Variants in RNF216 observed in about 807,000 individuals in gnomAD.
The protein encoded by RNF216 is ring finger protein 216.
RNF216 carries 72 observed loss-of-function variants against 110.8 expected under a neutral mutation model. That is an observed-to-expected ratio of 0.65 (90% CI 0.54 to 0.79). RNF216 has a LOEUF of 0.79. Ranked by LOEUF, RNF216 falls within the 30% of genes least tolerant of loss-of-function variation. The pLI is 0.00. For synonymous variants in RNF216, 495 were observed against 407.5 expected (o/e 1.21, Z -2.59); for missense variants, 1,342 against 1,141.2 (o/e 1.18, Z -2.54).
chr7:5,637,779 G>C (rs1427071020), intron 15 of RNF216, among the ~76,000 whole-genome samples: 2 of 152,214 alleles, frequency 1.3e-5, no homozygotes, highest in Admixed American at 1.3e-4. Context: ...AGACTCAAGA[G>C]ATCTGCCCGC....
intron 15 of RNF216, among the ~76,000 whole-genome samples, chr7:5,638,896 A>G (rs749055914): frequency 1.3e-5 from 2 of 152,044 alleles, no homozygotes; most frequent in Non-Finnish European, 2.9e-5. Flanking sequence ...TGACCTCCCA[A>G]AGCTTACAGA....
intron 1 of RNF216, among the ~76,000 whole-genome samples, chr7:5,773,707 G>T (rs540566052): frequency 6.6e-6 from 1 of 151,662 alleles, no homozygotes; most frequent in African/African-American, 2.4e-5. Flanking sequence ...TAGCTGGGAC[G>T]ACACATGCGT....
At chr7:5,731,365 T>TGCAGCCCCCGCCGGGGACCCACGTCAA (rs1249401113) in intron 5 of RNF216, among the ~76,000 whole-genome samples, 1 of 151,942 alleles carries the variant, frequency 6.6e-6, no homozygotes, top group African/African-American at 2.4e-5. Context: ...GTGGTTTATT[T>TGCAGCCCCCGCCGGGGACCCACGTCAA]AGCTAGCTGC....
At chr7:5,697,456 G>A (rs1057108589) in intron 13 of RNF216, among the ~76,000 whole-genome samples, 19 of 152,374 alleles carry the variant, frequency 1.2e-4, no homozygotes, top group African/African-American at 4.6e-4. Flanking sequence ...TAATGATCGT[G>A]TTTAGAGGAG....
chr7:5,746,643 C>T (rs966258611), intron 3 of RNF216, among the ~76,000 whole-genome samples: 1 of 152,116 alleles, frequency 6.6e-6, no homozygotes, highest in Non-Finnish European at 1.5e-5. Flanking sequence ...CATCCCGGTC[C>T]TGAGATATAC....
chr7:5,675,848 T>G (rs911107237), intron 13 of RNF216, among the ~76,000 whole-genome samples: 3 of 151,752 alleles, frequency 2.0e-5, no homozygotes, highest in Non-Finnish European at 4.4e-5. Context: ...TAGCTGGGAT[T>G]ACAGGCATGC....
chr7:5,754,159 T>TGC (rs1795490019), intron 2 of RNF216, among the ~76,000 whole-genome samples: 3 of 132,818 alleles, frequency 2.3e-5, no homozygotes, highest in African/African-American at 8.5e-5. Flanking sequence ...TGTGTGTGTG[T>TGC]GTGCGCATTT....
rs756948642 is a variant in RNF216, at chr7:5,755,371, G to C, written c.68-2392C>G. 3.9e-5 allele frequency among the ~76,000 whole-genome samples: 6 copies of C among 152,060 alleles called. No homozygotes were observed. The East Asian group carries it at 9.6e-4, about 24-fold the overall frequency. On this transcript the variant is annotated intron_variant, in intron 2 of 16. Transcript: ENST00000389902. ...TTCAAAGTATACTTAAAAAAAAATTGAAAGAATAACACAGCATGGTCTATA... is the reference window on the plus strand; with the variant it reads ...TTCAAAGTATACTTAAAAAAAAATTCAAAGAATAACACAGCATGGTCTATA...
chr7:5,689,391 A>G (rs1584456392), intron 13 of RNF216, among the ~76,000 whole-genome samples: 1 of 152,066 alleles, frequency 6.6e-6, no homozygotes, highest in Non-Finnish European at 1.5e-5. Context: ...AAAGAAGAAG[A>G]AAAGTGAAAG....
intron 8 of RNF216, among the ~76,000 whole-genome samples, 184 bp from the exon 9 acceptor site, chr7:5,721,356 A>AT (rs1464570078): frequency 6.6e-6 from 1 of 152,116 alleles, no homozygotes; most frequent in African/African-American, 2.4e-5. Context: ...CCTACCATCC[A>AT]TTTTTTGACC....
At chr7:5,674,784 T>C (rs989019338) in intron 13 of RNF216, among the ~76,000 whole-genome samples, 3 of 151,832 alleles carry the variant, frequency 2.0e-5, no homozygotes, top group Non-Finnish European at 4.4e-5. Context: ...TCACCTGAGA[T>C]CAGGAGTTCA....
chr7:5,716,186 C>G (rs1333187705), intron 10 of RNF216, among the ~76,000 whole-genome samples: 1 of 152,102 alleles, frequency 6.6e-6, no homozygotes, highest in Non-Finnish European at 1.5e-5. Context: ...GCCACGGTGC[C>G]CGGCCACCAA....
At chr7:5,764,149 C>T (rs573019147) in intron 1 of RNF216, among the ~76,000 whole-genome samples, 25 of 150,924 alleles carry the variant, frequency 1.7e-4, no homozygotes, top group African/African-American at 5.6e-4. Flanking sequence ...GCTGAGATCA[C>T]GCCATTGCAC....
At position 5,622,927 on chromosome 7, in the gene RNF216, G is replaced by C. The variant is rs1381680446; in HGVS notation, c.2705C>G (p.Pro902Arg). 1 of 1,613,806 alleles carries C rather than the reference G, an allele frequency of 6.2e-7. No homozygotes were observed. Among genetic ancestry groups the C allele is most frequent in the Admixed American group, 1.7e-5 (1 of 60,012 alleles). The change falls in exon 17 of 17, where the codon CCC becomes CGC. Residue 902 changes from proline to arginine, a missense_variant. Coordinates refer to ENST00000389902, the MANE Select transcript of RNF216 (RefSeq NM_207111.4). The part of the protein sequence containing the change: ...PNVRVNYDFG[P>R]IHMPLEHNLP... ...GTTGTGCTCCAGGGGCATGTGGATGGGACCGAAGTCATAGTTGACCCGCAC... is the reference window on the plus strand; with the variant it reads ...GTTGTGCTCCAGGGGCATGTGGATGCGACCGAAGTCATAGTTGACCCGCAC...
intron 1 of RNF216, among the ~76,000 whole-genome samples, chr7:5,764,594 G>C (rs1050817020): frequency 4.0e-5 from 6 of 151,616 alleles, no homozygotes; most frequent in African/African-American, 1.5e-4. Flanking sequence ...GTTGCAGTAG[G>C]CCAAGATTGT....
At chr7:5,681,530 AG>A (rs900810272) in intron 13 of RNF216, among the ~76,000 whole-genome samples, 45 of 152,196 alleles carry the variant, frequency 3.0e-4, no homozygotes, top group African/African-American at 1.1e-3. Context: ...CTCTAGGGCT[AG>A]GCAGGACCTG....
chr7:5,663,562 C>A (rs368124283), intron 13 of RNF216, among the ~76,000 whole-genome samples: 1 of 125,482 alleles, frequency 8.0e-6, no homozygotes, highest in Admixed American at 9.8e-5. Flanking sequence ...CCAGTCTGGG[C>A]GACACAGCGA....
At chr7:5,650,914 C>A (rs538865895) in intron 14 of RNF216, among the ~76,000 whole-genome samples, 2 of 152,166 alleles carry the variant, frequency 1.3e-5, no homozygotes, top group African/African-American at 4.8e-5. Context: ...TGCCATTGCC[C>A]ACTTCATTTT....
intron 8 of RNF216, among the ~76,000 whole-genome samples, chr7:5,723,161 T>C (rs1348013680): frequency 6.6e-6 from 1 of 152,156 alleles, no homozygotes; most frequent in African/African-American, 2.4e-5. Flanking sequence ...ATTTGAAACA[T>C]AAATGAATTA....
Sources: gnomAD v4.1 joint callset for allele counts (sites outside exome capture counted in the v4.1 genomes callset) on GRCh38, gnomAD v4.1.1 for gene constraint, MANE v1.5 for transcripts, NCBI Gene and HGNC (gene_info 2026-07-23, HGNC 2026-07-21) for gene names.